Variants in BSN observed in about 807,000 individuals in gnomAD.
BSN encodes bassoon presynaptic cytomatrix protein.
In BSN, 57 loss-of-function variants were observed where a neutral mutation model predicts 264.8. The ratio of observed to expected loss-of-function variants is 0.22; its 90% CI spans 0.17 to 0.27. BSN has a LOEUF of 0.27. Ranked by LOEUF, BSN falls within the 10% of genes least tolerant of loss-of-function variation. BSN has a pLI of 1.00. For synonymous variants in BSN, 2,059 were observed against 2,137.3 expected, an observed-to-expected ratio of 0.96 and a Z score of 1.01; for missense variants, 4,615 against 5,232.5, an observed-to-expected ratio of 0.88 and a Z score of 3.64.
Position 49,652,347 on chromosome 3 carries a change from T to A in BSN, c.2791T>A (p.Phe931Ile). The A allele has an allele frequency of 6.2e-7, 1 of 1,605,308 alleles. No individual in the cohort carries two copies. Among genetic ancestry groups the A allele is most frequent in the Non-Finnish European group, 8.5e-7 (1 of 1,175,486 alleles). The change falls in exon 5 of 12, where the codon TTC becomes ATC. Residue 931 changes from phenylalanine (F) to isoleucine (I), a missense_variant. Coordinates refer to ENST00000296452, the MANE Select transcript of BSN (RefSeq NM_003458.4). Reference protein sequence around the residue: ...SGTLQGGLRRFKTIELNSTGS... With the variant: ...SGTLQGGLRRIKTIELNSTGS... ...GACCCTGCAGGGTGGGCTCCGTCGC[T>A]TCAAGACCATTGAGCTCAACAGCAC...
intron 2 of BSN, among the ~76,000 whole-genome samples, chr3:49,631,585 G>T (rs7640519): frequency 1.6e-4 from 25 of 152,054 alleles, no homozygotes; most frequent in African/African-American, 6.0e-4. Flanking sequence ...AGTTATTGGG[G>T]GCTTCTCCAA....
Position 49,650,889 on chromosome 3 carries a change from G to A in BSN, c.1796G>A (p.Ser599Asn). 1 of 1,614,128 alleles carries A rather than the reference G, an allele frequency of 6.2e-7. No homozygotes were observed. Among genetic ancestry groups the A allele is most frequent in the Non-Finnish European group, 8.5e-7 (1 of 1,180,020 alleles). ...AAGCCCCTCAGGGCTTCTGAACCCA[G>A]CAAGACCCCAAGCAGTGTCCAGGAA... is the stretch of plus-strand genomic sequence containing the variant. The part of the protein sequence containing the change: ...QAKPLRASEP[S>N]KTPSSVQEKK... The change falls in exon 4 of 12, where the codon AGC (serine) becomes AAC (asparagine). Residue 599 changes from serine to asparagine, a missense_variant. Around this residue, in one of 3 missense-constraint regions of BSN, gnomAD observed 1,197 missense variants for 1,348.0 expected, o/e 0.89. Transcript: ENST00000296452.
At position 49,654,352 on chromosome 3, in the gene BSN, C is replaced by G; in HGVS notation, c.4796C>G (p.Pro1599Arg). 2 of 1,613,152 alleles carry G rather than the reference C, an allele frequency of 1.2e-6. No homozygotes were observed. The highest frequency in any genetic ancestry group is 1.7e-6 in the Non-Finnish European group (2 of 1,179,750). ...PTTHGYSQTT[P>R]PSVSQLPPEP... ...ACCCATGGCTACAGCCAGACAACAC[C>G]TCCGAGTGTGTCTCAGCTGCCCCCA... Residue 1599 changes from proline (P) to arginine (R), a missense_variant, in exon 5 of 12, where the codon CCT (proline) becomes CGT (arginine). Pro to Arg is a moderately radical substitution (Grantham distance 103, BLOSUM62 -2). Coordinates refer to ENST00000296452, the MANE Select transcript of BSN (RefSeq NM_003458.4). The surrounding 1 kb of genome is among the most constrained non-coding windows in gnomAD (Gnocchi z 4.1).
intron 1 of BSN, among the ~76,000 whole-genome samples, chr3:49,606,276 TA>T (rs1405805642): frequency 1.2e-4 from 10 of 85,904 alleles, no homozygotes; most frequent in East Asian, 4.1e-4. Context: ...TAATATATAT[TA>T]AAAATATATA....
rs1296822002 is a variant in BSN, at chr3:49,653,761, C to T, written c.4205C>T (p.Ser1402Phe). 5.0e-6 allele frequency: 8 copies of T among 1,613,968 alleles called. No individual in the cohort carries two copies. Among genetic ancestry groups the T allele is most frequent in the Non-Finnish European group, 5.9e-6 (7 of 1,180,026 alleles). ...CCACGAGGATATATGACTCCAGCCT[C>T]CCCAGCAGGCTCCGAGCGTAGTCCT... Reference protein sequence around the residue: ...GLPRGYMTPASPAGSERSPSP... With the variant: ...GLPRGYMTPAFPAGSERSPSP... The change falls in exon 5 of 12, where the codon TCC (serine) becomes TTC (phenylalanine). Residue 1402 changes from serine (S) to phenylalanine (F), a missense_variant. Around this residue, in one of 3 missense-constraint regions of BSN, gnomAD observed 3,415 missense variants for 3,866.4 expected, o/e 0.88. Transcript: ENST00000296452. This position sits in a 1 kb window ranked among gnomAD's most constrained non-coding sequence, Gnocchi z 6.3.
At chr3:49,628,823 G>T (rs1382682317) in intron 2 of BSN, among the ~76,000 whole-genome samples, 3 of 152,148 alleles carry the variant, frequency 2.0e-5, no homozygotes, top group Non-Finnish European at 4.4e-5. Flanking sequence ...GGGATTTGCA[G>T]CCTCATTTTC....
intron 1 of BSN, among the ~76,000 whole-genome samples, chr3:49,599,876 A>G (rs1397361863): frequency 1.3e-5 from 2 of 152,174 alleles, no homozygotes; most frequent in Non-Finnish European, 2.9e-5. Flanking sequence ...GGTGGGTAAC[A>G]TGGACTCTGT....
chr3:49,573,515 G>A (rs1280006208), intron 1 of BSN, among the ~76,000 whole-genome samples: 1 of 152,112 alleles, frequency 6.6e-6, no homozygotes, highest in East Asian at 1.9e-4. Context: ...TTTTTCCTCT[G>A]GGCTCCAACA....
intron 1 of BSN, among the ~76,000 whole-genome samples, chr3:49,600,361 T>G (rs2052064337): frequency 6.6e-6 from 1 of 152,158 alleles, no homozygotes; most frequent in Admixed American, 6.6e-5. Flanking sequence ...GAGGCCAGCC[T>G]GGCTGGAAAG....
downstream of BSN, among the ~76,000 whole-genome samples, chr3:49,672,154 A>C (rs2052786476): frequency 6.7e-6 from 1 of 150,066 alleles, no homozygotes; most frequent in Non-Finnish European, 1.5e-5. Context: ...TCTTCATTTT[A>C]AACAGAAGCC....
rs1559617254 is a variant in BSN at position 49,656,932 on chromosome 3, A to T, written c.7376A>T (p.Gln2459Leu). 1 of 1,598,642 alleles carries T rather than the reference A, an allele frequency of 6.3e-7. No individual in the cohort carries two copies. The highest frequency in any genetic ancestry group is 1.1e-5 in the South Asian group (1 of 89,920). The change falls in exon 5 of 12, where the codon CAG becomes CTG. Residue 2459 changes from glutamine (Q) to leucine (L), a missense_variant. This residue lies in a region of BSN where 3,415 missense variants were observed against 3,866.4 expected (regional missense o/e 0.88). Transcript: ENST00000296452. ...CAGCTGGAGCAGATCCAGCAGCTGC[A>T]GCAGCAGCTGCAGCAGCAGCTAGAG... ...RLQLEQIQQL[Q>L]QQLQQQLEEQ...
In BSN at chr3:49,566,524, C is replaced by A. The variant is rs866483289; in HGVS notation, c.224+11698C>A. On this transcript the variant is annotated intron_variant, in intron 1 of 11. Transcript: ENST00000296452. ...TCAGGCCTGGGTGCAGTGGCTCCCCCCTGTAATCTCAGCACTTTGGGAAGC... is the reference window on the plus strand; with the variant it reads ...TCAGGCCTGGGTGCAGTGGCTCCCCACTGTAATCTCAGCACTTTGGGAAGC... Among the ~76,000 whole-genome samples the A allele has an allele frequency of 7.2e-5, 11 of 152,166 alleles. 1 individual carries two copies. The Middle Eastern group carries it at 0.01, about 142-fold the overall frequency.
chr3:49,584,435 A>G (rs747232895), intron 1 of BSN, among the ~76,000 whole-genome samples: 5 of 151,394 alleles, frequency 3.3e-5, no homozygotes, highest in Non-Finnish European at 7.4e-5. Flanking sequence ...ATTAAGTCGG[A>G]AGTTTAGGTT....
chr3:49,659,809 C>G (rs1231709911), intron 5 of BSN, among the ~76,000 whole-genome samples: 1 of 152,094 alleles, frequency 6.6e-6, no homozygotes, highest in Non-Finnish European at 1.5e-5. Context: ...GCAGGTTGAC[C>G]GAGGGACATG....
rs761942790 is a variant in BSN at position 49,651,621 on chromosome 3, G to A, written c.2065G>A (p.Gly689Ser). 1.9e-6 allele frequency: 3 copies of A among 1,614,050 alleles called. No individual in the cohort carries two copies. The highest frequency in any genetic ancestry group is 1.1e-5 in the South Asian group (1 of 91,066). The change falls in exon 5 of 12, where the codon GGC (glycine) becomes AGC (serine). Residue 689 changes from glycine to serine, a missense_variant. Transcript: ENST00000296452. This position sits in a 1 kb window ranked among gnomAD's most constrained non-coding sequence, Gnocchi z 5.4. The stretch of plus-strand genomic sequence containing the variant: ...CAGTGACACAGGCTATTCCTCTGAC[G>A]GCATCTCTAGCTCCCAGAGTGAGAT... ...SLSDTGYSSD[G>S]ISSSQSEITG...
At chr3:49,619,289 G>A (rs1454195648) in intron 1 of BSN, among the ~76,000 whole-genome samples, 2 of 152,222 alleles carry the variant, frequency 1.3e-5, no homozygotes, top group African/African-American at 2.4e-5. Flanking sequence ...AATGCCAAGC[G>A]TGGCGCTGGG....
chr3:49,563,912 CT>C (rs765078975), intron 1 of BSN, among the ~76,000 whole-genome samples: 1 of 152,196 alleles, frequency 6.6e-6, no homozygotes, highest in Non-Finnish European at 1.5e-5. Flanking sequence ...CACCTCCTAT[CT>C]GCTGGTCTTG....
chr3:49,587,210 T>C (rs2051943687), intron 1 of BSN, among the ~76,000 whole-genome samples: 1 of 152,220 alleles, frequency 6.6e-6, no homozygotes, highest in Admixed American at 6.5e-5. Context: ...TTGCACATTG[T>C]TCACTGTTGG....
downstream of BSN, among the ~76,000 whole-genome samples, chr3:49,673,088 T>G (rs1440609463): frequency 2.2e-5 from 1 of 45,548 alleles, no homozygotes; most frequent in South Asian, 7.2e-4. Context: ...CGGCCGGGAC[T>G]TTTTTTTTTT....
Sources: gnomAD v4.1 joint callset for allele counts (sites outside exome capture counted in the v4.1 genomes callset) on GRCh38, gnomAD v4.1.1 for gene constraint, gnomAD v4.1.1 regional missense constraint, Gnocchi (gnomAD v3.1) non-coding constraint, MANE v1.5 for transcripts, NCBI Gene and HGNC (gene_info 2026-07-23, HGNC 2026-07-21) for gene names.